Variants in GPR55 observed in about 807,000 individuals in gnomAD.
The protein encoded by GPR55 is G protein-coupled receptor 55.
A neutral mutation model predicts 7.9 loss-of-function variants in GPR55; 6 were observed. The observed-to-expected ratio is 0.76, with a 90% confidence interval of 0.41 to 1.49. The LOEUF (loss-of-function observed/expected upper bound fraction) is 1.49. Ranked by LOEUF, GPR55 falls within the 40% of genes most tolerant of loss-of-function variation. The pLI is 0.01. For missense variants in GPR55, 376 were observed against 406.0 expected, an observed-to-expected ratio of 0.93 and a Z score of 0.63; for synonymous variants, 183 against 166.8, an observed-to-expected ratio of 1.10 and a Z score of -0.75.
In GPR55 at chr2:230,944,570, G is replaced by GC. The variant is rs1430412179; in HGVS notation, c.-135+16204dup. On this transcript the variant is annotated intron_variant, in intron 1 of 1. Coordinates refer to the GPR55 transcript ENST00000392039. This position sits in a 1 kb window ranked among gnomAD's most constrained non-coding sequence, Gnocchi z 4.2. ...AAACGAGAATGCCGTGTCTCTGGGAGCCCCCGGAGAATGACTCAACAGTGA... is the reference window on the plus strand; with the variant it reads ...AAACGAGAATGCCGTGTCTCTGGGAGCCCCCCGGAGAATGACTCAACAGTGA... Among the ~76,000 whole-genome samples the GC allele has an allele frequency of 1.3e-5, 2 of 152,118 alleles. No homozygotes were observed. Among genetic ancestry groups the GC allele is most frequent in the Admixed American group, 6.5e-5 (1 of 15,274 alleles).
intron 1 of GPR55, among the ~76,000 whole-genome samples, chr2:230,912,346 T>C (rs763339632): frequency 2.0e-5 from 3 of 152,196 alleles, no homozygotes; most frequent in Non-Finnish European, 4.4e-5. Flanking sequence ...TCCCAAGATA[T>C]CGATGTATCA....
rs1691285204 is a variant in GPR55, at chr2:230,944,765, C to G, written c.-135+16010G>C. On this transcript the variant is annotated intron_variant, in intron 1 of 1. Coordinates refer to the GPR55 transcript ENST00000392039. The surrounding 1 kb of genome is among the most constrained non-coding windows in gnomAD (Gnocchi z 4.2). ...AAAATAAAAATAACAAATTCACATTCCGCTTGTTCATCCTGATTCTTCAGG... is the reference window on the plus strand; with the variant it reads ...AAAATAAAAATAACAAATTCACATTGCGCTTGTTCATCCTGATTCTTCAGG... 6.6e-6 allele frequency among the ~76,000 whole-genome samples: 1 copy of G among 152,218 alleles called. No individual in the cohort carries two copies. Among genetic ancestry groups the G allele is most frequent in the Non-Finnish European group, 1.5e-5 (1 of 68,032 alleles).
At chr2:230,911,500 T>C (rs183979292) in intron 1 of GPR55, among the ~76,000 whole-genome samples, 31 of 152,316 alleles carry the variant, frequency 2.0e-4, no homozygotes, top group African/African-American at 7.0e-4. Flanking sequence ...CCAGGGATGA[T>C]TGACACCAGA....
intron 1 of GPR55, among the ~76,000 whole-genome samples, chr2:230,950,498 C>T (rs1477130271): frequency 9.8e-5 from 15 of 152,304 alleles, no homozygotes; most frequent in African/African-American, 2.2e-4. Flanking sequence ...GACCTCATAA[C>T]GAGAGCTGCA....
intron 1 of GPR55, among the ~76,000 whole-genome samples, chr2:230,948,996 G>A (rs961458334): frequency 6.6e-6 from 1 of 152,170 alleles, no homozygotes; most frequent in Admixed American, 6.5e-5. Flanking sequence ...CTGAGCCAGG[G>A]GGGTCAAGGC....
chr2:230,930,908 C>T (rs1691028683), intron 1 of GPR55, among the ~76,000 whole-genome samples: 1 of 152,108 alleles, frequency 6.6e-6, no homozygotes, highest in African/African-American at 2.4e-5. Context: ...TCCTGAAAGT[C>T]TTTTATTTAA....
At chr2:230,921,362 G>A (rs897984717) in intron 1 of GPR55, among the ~76,000 whole-genome samples, 4 of 152,154 alleles carry the variant, frequency 2.6e-5, no homozygotes, top group Non-Finnish European at 5.9e-5. Flanking sequence ...AAGGGTCTAT[G>A]CTCTCTTTAG....
In GPR55 at chr2:230,944,292, C is replaced by G. The variant is rs1691279613; in HGVS notation, c.-135+16483G>C. The stretch of plus-strand genomic sequence containing the variant: ...GCCCACATGACTGTCCCGGGGGCTT[C>G]CATGAGCTTGATGACCCAGAAGCTA... On this transcript the variant is annotated intron_variant, in intron 1 of 1. Coordinates refer to the GPR55 transcript ENST00000392039. This position sits in a 1 kb window ranked among gnomAD's most constrained non-coding sequence, Gnocchi z 4.2. Among the ~76,000 whole-genome samples, 1 of 152,192 alleles carries G rather than the reference C, an allele frequency of 6.6e-6. No individual in the cohort carries two copies. Among genetic ancestry groups the G allele is most frequent in the Admixed American group, 6.5e-5 (1 of 15,280 alleles).
At chr2:230,913,094 A>G (rs1690629756) in intron 1 of GPR55, among the ~76,000 whole-genome samples, 1 of 152,230 alleles carries the variant, frequency 6.6e-6, no homozygotes, top group Admixed American at 6.5e-5. Context: ...ATATCAGCAT[A>G]TATGAATGGC....
chr2:230,945,674 G>A (rs562143228), intron 1 of GPR55, among the ~76,000 whole-genome samples: 2 of 152,312 alleles, frequency 1.3e-5, no homozygotes, highest in South Asian at 2.1e-4. Flanking sequence ...CCGGGTTCAC[G>A]CCATTCTCCT....
Position 230,910,639 on chromosome 2 carries a change from G to T in GPR55, c.324C>A (p.Ser108Arg). The T allele has an allele frequency of 1.2e-6, 2 of 1,613,876 alleles. No homozygotes were observed. The highest frequency in any genetic ancestry group is 1.7e-6 in the Non-Finnish European group (2 of 1,179,910). Reference sequence around the variant, plus strand: ...TGCTGATGAAGCAGATGGTGAAGACGCTTCCGTACATGCTGACGAAGTAAA... The same window carrying T: ...TGCTGATGAAGCAGATGGTGAAGACTCTTCCGTACATGCTGACGAAGTAAA... ...ECLYFVSMYG[S>R]VFTICFISMD... The change falls in exon 2 of 2, where the codon AGC (serine) becomes AGA (arginine). Residue 108 changes from serine to arginine, a missense_variant. Coordinates refer to ENST00000650999, the MANE Select transcript of GPR55 (RefSeq NM_005683.4). The surrounding 1 kb of genome is among the most constrained non-coding windows in gnomAD (Gnocchi z 5.4).
At chr2:230,925,931 G>A (rs1295521476), upstream of GPR55, among the ~76,000 whole-genome samples, 5 of 152,146 alleles carry the variant, frequency 3.3e-5, no homozygotes, top group African/African-American at 4.8e-5. Context: ...TGGGAGGGCT[G>A]AGACTCACCC....
chr2:230,930,831 G>A (rs73992977), intron 1 of GPR55, among the ~76,000 whole-genome samples: 5,848 of 152,244 alleles, frequency 0.038, 259 homozygotes, highest in African/African-American at 0.11. Context: ...GAATTATCCT[G>A]TAGCACTTTA....
intron 1 of GPR55, among the ~76,000 whole-genome samples, chr2:230,950,831 G>T (rs1233941595): frequency 6.6e-6 from 1 of 151,974 alleles, no homozygotes; most frequent in Non-Finnish European, 1.5e-5. Context: ...TTCTGATTGT[G>T]GGTCTTAAGA....
At chr2:230,937,961 C>G (rs544077559) in intron 1 of GPR55, among the ~76,000 whole-genome samples, 2 of 151,744 alleles carry the variant, frequency 1.3e-5, no homozygotes, top group African/African-American at 4.8e-5. Context: ...TTGAGACCAG[C>G]CTAGGTAATA....
chr2:230,934,346 C>G (rs1159161359), intron 1 of GPR55, among the ~76,000 whole-genome samples: 1 of 152,228 alleles, frequency 6.6e-6, no homozygotes, highest in Non-Finnish European at 1.5e-5. Context: ...GGTTTCTGGT[C>G]CCCGGCCTCT....
chr2:230,950,024 C>T (rs138472887), intron 1 of GPR55, among the ~76,000 whole-genome samples: 2,474 of 151,774 alleles, frequency 0.016, 70 homozygotes, highest in African/African-American at 0.058. Context: ...TTAGTAGAGA[C>T]GGGGTTTCAC....
chr2:230,920,823 A>G (rs1435480825), intron 1 of GPR55, among the ~76,000 whole-genome samples: 1 of 150,974 alleles, frequency 6.6e-6, no homozygotes, highest in Non-Finnish European at 1.5e-5. Flanking sequence ...CAATATAGAA[A>G]ACAGAGGGGC....
At chr2:230,943,675 TG>T (rs1393342924) in intron 1 of GPR55, among the ~76,000 whole-genome samples, 1 of 152,168 alleles carries the variant, frequency 6.6e-6, no homozygotes, top group African/African-American at 2.4e-5. Context: ...GGTTGGATCA[TG>T]GGGGTGGATT....
Sources: gnomAD v4.1 joint callset for allele counts (sites outside exome capture counted in the v4.1 genomes callset) on GRCh38, gnomAD v4.1.1 for gene constraint, Gnocchi (gnomAD v3.1) non-coding constraint, MANE v1.5 for transcripts, NCBI Gene and HGNC (gene_info 2026-07-23, HGNC 2026-07-21) for gene names.